Variants in RAP1GAP observed in about 807,000 individuals in gnomAD.
RAP1GAP encodes rap1 GTPase-activating protein 1.
A neutral mutation model predicts 87.2 loss-of-function variants in RAP1GAP; 35 were observed. That is an observed-to-expected ratio of 0.40 (90% CI 0.31 to 0.53). The LOEUF is 0.53. RAP1GAP is among the 20% of genes least tolerant of loss of function. The pLI, the probability that RAP1GAP is intolerant of heterozygous loss-of-function variation, is 0.48. For missense variants in RAP1GAP, 734 were observed against 898.9 expected (o/e 0.82, Z 2.35); for synonymous variants, 375 against 363.9 (o/e 1.03, Z -0.35).
intron 22 of RAP1GAP, 56 bp from the exon 23 acceptor site, chr1:21,598,120 G>GA: frequency 8.3e-7 from 1 of 1,209,018 alleles, no homozygotes; most frequent in Non-Finnish European, 1.2e-6. Flanking sequence ...GCACCAGGGA[G>GA]ACGGGGGCAT....
At chr1:21,625,041 G>A (rs149352740) in intron 3 of RAP1GAP, among the ~76,000 whole-genome samples, 2 of 152,270 alleles carry the variant, frequency 1.3e-5, no homozygotes, top group South Asian at 2.1e-4. Flanking sequence ...GCCAAGCCCC[G>A]GATCCACATG....
At chr1:21,637,145 C>CTTTTTTTTT (rs869047762) in intron 2 of RAP1GAP, among the ~76,000 whole-genome samples, 1 of 128,504 alleles carries the variant, frequency 7.8e-6, no homozygotes, top group Non-Finnish European at 1.7e-5. Context: ...TCTTTTTTTT[C>CTTTTTTTTT]TTTTTTTTTT....
At chr1:21,599,283 C>T (rs889752376) in intron 21 of RAP1GAP, among the ~76,000 whole-genome samples, 2 of 152,180 alleles carry the variant, frequency 1.3e-5, no homozygotes, top group Admixed American at 1.3e-4. Context: ...TCTCCAAGAG[C>T]TCCAGAGACT....
intron 2 of RAP1GAP, among the ~76,000 whole-genome samples, chr1:21,633,233 G>A (rs1000649074): frequency 2.0e-5 from 3 of 152,164 alleles, no homozygotes; most frequent in Admixed American, 2.0e-4. Flanking sequence ...GCCCTGGATG[G>A]TGGTCTCCCA....
Position 21,669,221 on chromosome 1 carries a change from T to C in RAP1GAP, c.-149+33A>G. ...TGGACACCTCTGTCCCCTTCCCCTT[T>C]CCAGGGCCGCAGCCCTGGCGGGGCG... On this transcript the variant is annotated intron_variant, in intron 1 of 24. Coordinates refer to ENST00000374765, the MANE Select transcript of RAP1GAP (RefSeq NM_002885.4). The surrounding 1 kb of genome is among the most constrained non-coding windows in gnomAD (Gnocchi z 5.6). 8.0e-7 allele frequency: 1 copy of C among 1,251,808 alleles called. No homozygotes were observed. The highest frequency in any genetic ancestry group is 1.0e-6 in the Non-Finnish European group (1 of 973,220). 77.5% of individuals were successfully genotyped at this position (1,251,808 alleles called of 1,614,324 possible).
chr1:21,604,277 G>A (rs2072014389), intron 18 of RAP1GAP, among the ~76,000 whole-genome samples: 1 of 151,862 alleles, frequency 6.6e-6, no homozygotes, highest in Non-Finnish European at 1.5e-5. Flanking sequence ...AGAGAAGGAA[G>A]CCAGGGGAAG....
In RAP1GAP at chr1:21,611,421, G is replaced by C. The variant is rs370937692; in HGVS notation, c.843+31C>G. ...AGGTGGAGGGGGAGGACAGGTGGAA[G>C]ACAGGAGGCAGGTGGGGGTGCCCAG... On this transcript the variant is annotated intron_variant, in intron 13 of 24. Coordinates refer to ENST00000374765, the MANE Select transcript of RAP1GAP (RefSeq NM_002885.4). 1.8e-5 allele frequency: 28 copies of C among 1,597,768 alleles called. No individual in the cohort carries two copies. The East Asian group carries it at 2.9e-4, about 17-fold the overall frequency.
rs1410522168 is a variant in RAP1GAP at position 21,613,328 on chromosome 1, G to A, written c.475-99C>T. 1.8e-6 allele frequency: 2 copies of A among 1,102,564 alleles called. No individual in the cohort carries two copies. The highest frequency in any genetic ancestry group is 1.8e-5 in the Admixed American group (1 of 56,874). The allele number at this position is 1,102,564 out of a possible 1,614,324, so 68.3% of individuals were successfully genotyped here. A position where few individuals can be genotyped will look rare whatever the true frequency, so the allele number is the denominator to read the frequency against. On this transcript the variant is annotated intron_variant, in intron 9 of 24. Coordinates refer to ENST00000374765, the MANE Select transcript of RAP1GAP (RefSeq NM_002885.4). This position sits in a 1 kb window ranked among gnomAD's most constrained non-coding sequence, Gnocchi z 4.7. ...TGGTCAAGGTCTGGGGAGGAGCCAT[G>A]CTGGGAATGGCCAAGGCTAAAGCAG...
chr1:21,659,997 A>AG, intron 1 of RAP1GAP, among the ~76,000 whole-genome samples: 2 of 152,148 alleles, frequency 1.3e-5, no homozygotes, highest in Admixed American at 1.3e-4. Flanking sequence ...CGCTCCTGCC[A>AG]GGGAAAAAGT....
intron 2 of RAP1GAP, among the ~76,000 whole-genome samples, chr1:21,638,159 A>G (rs2095099739): frequency 6.7e-6 from 1 of 148,252 alleles, no homozygotes; most frequent in African/African-American, 2.5e-5. Flanking sequence ...AAAAAAAAAA[A>G]AAAGAAAAGA....
chr1:21,620,103 G>C, intron 3 of RAP1GAP, 53 bp from the exon 4 acceptor site: 1 of 1,608,522 alleles, frequency 6.2e-7, no homozygotes, highest in Non-Finnish European at 8.5e-7. Flanking sequence ...AAGCCCCAGA[G>C]GAGTCTCCAC....
In RAP1GAP at chr1:21,653,572, CT is replaced by C. The variant is rs775785318; in HGVS notation, c.-148-3777del. Among the ~76,000 whole-genome samples the C allele has an allele frequency of 8.4e-5, 11 of 131,100 alleles. 1 individual carries two copies. Among genetic ancestry groups the C allele is most frequent in the African/African-American group, 2.8e-4 (10 of 35,588 alleles). 86.0% of individuals were successfully genotyped at this position (131,100 alleles called of 152,430 possible). ...CCTTCCTTCCTTCCTTCCTTCCTTCCTTCCTTCCTTCCTTCCTTCCTCCCTC... is the reference window on the plus strand; with the variant it reads ...CCTTCCTTCCTTCCTTCCTTCCTTCCTCCTTCCTTCCTTCCTTCCTCCCTC... On this transcript the variant is annotated intron_variant, in intron 1 of 24. Transcript: ENST00000374765.
At chr1:21,617,780 T>C (rs906404629) in intron 6 of RAP1GAP, among the ~76,000 whole-genome samples, 154 bp downstream of exon 6, 2 of 152,212 alleles carry the variant, frequency 1.3e-5, no homozygotes, top group Non-Finnish European at 2.9e-5. Flanking sequence ...AGGGTTCAAA[T>C]GGGCTCTGAG....
intron 18 of RAP1GAP, among the ~76,000 whole-genome samples, chr1:21,604,843 A>AGATG (rs369644872): frequency 0.058 from 7,120 of 121,818 alleles, 248 homozygotes; most frequent in South Asian, 0.077. Context: ...GGATGGATAG[A>AGATG]GATGGATGGA....
chr1:21,653,217 T>C (rs1443560751), intron 1 of RAP1GAP: 1 of 152,186 alleles, frequency 6.6e-6, no homozygotes, highest in African/African-American at 2.4e-5. Context: ...TACTTCTCTC[T>C]TGGGGATCTG....
At chr1:21,614,793 C>T (rs889632370) in intron 7 of RAP1GAP, among the ~76,000 whole-genome samples, 6 of 152,160 alleles carry the variant, frequency 3.9e-5, no homozygotes, top group East Asian at 3.9e-4. Context: ...CAGGGAGACA[C>T]CACCCAGCCT....
At chr1:21,616,107 G>C (rs1825306) in intron 7 of RAP1GAP, among the ~76,000 whole-genome samples, 80,070 of 147,832 alleles carry the variant, frequency 0.54, 22,726 homozygotes, top group Non-Finnish European at 0.64. Flanking sequence ...CACATCTTCC[G>C]AACCCCCAAG....
At chr1:21,647,107 T>G (rs1230924012) in intron 2 of RAP1GAP, among the ~76,000 whole-genome samples, 1 of 152,122 alleles carries the variant, frequency 6.6e-6, no homozygotes, top group Non-Finnish European at 1.5e-5. Context: ...ATTAAGCATT[T>G]ATGGGCATGG....
chr1:21,618,106 G>T, intron 5 of RAP1GAP, 134 bp from the exon 6 acceptor site: 2 of 1,047,960 alleles, frequency 1.9e-6, no homozygotes, highest in South Asian at 1.3e-5. Flanking sequence ...TTACAGATGG[G>T]CAGGGGCTGA....
Sources: allele counts gnomAD v4.1 joint callset (sites outside exome capture counted in the v4.1 genomes callset), GRCh38; gene constraint gnomAD v4.1.1; non-coding constraint Gnocchi (gnomAD v3.1); transcripts MANE v1.5; gene names NCBI Gene and HGNC (gene_info 2026-07-23, HGNC 2026-07-21).